RAE1: variants seen among roughly 807,000 people sequenced by gnomAD.
RAE1 encodes ribonucleic acid export 1.
In RAE1, 13 loss-of-function variants were observed where a neutral mutation model predicts 52.7. That is an observed-to-expected ratio of 0.25 (90% CI 0.16 to 0.39). The LOEUF is 0.39. Among genes scored for constraint, RAE1 ranks in the 10% least tolerant of loss-of-function variants. The pLI is 1.00. For synonymous variants in RAE1, 164 were observed against 153.1 expected (o/e 1.07, Z -0.52); for missense variants, 262 against 459.8 (o/e 0.57, Z 3.93).
At chr20:57,358,056 T>C (rs1000915623) in intron 4 of RAE1, 36 of 152,202 alleles carry the variant, frequency 2.4e-4, no homozygotes, top group Admixed American at 2.3e-3. Flanking sequence ...TTGATGTGGC[T>C]AGTTTAAATA....
In RAE1 at chr20:57,373,480, G is replaced by C. The variant is rs773523591; in HGVS notation, c.648G>C (p.Arg216=). Residue 216 remains arginine (R), a synonymous_variant, in exon 9 of 12, where the codon CGG becomes CGC. Coordinates refer to ENST00000395841, the MANE Select transcript of RAE1 (RefSeq NM_003610.4). The stretch of plus-strand genomic sequence containing the variant: ...CTTTTTTATTTTAACTGTAGCATCG[G>C]TGTGTGGCTATTTTTAAAGACAAAC... ...RIESPLKHQH[R]CVAIFKDKQN... The C allele has an allele frequency of 9.9e-6, 16 of 1,612,720 alleles. No homozygotes were observed. The highest frequency in any genetic ancestry group is 1.3e-5 in the Non-Finnish European group (15 of 1,178,926).
intron 4 of RAE1, among the ~76,000 whole-genome samples, chr20:57,357,040 T>A (rs562769059): frequency 2.0e-5 from 3 of 152,234 alleles, no homozygotes; most frequent in African/African-American, 7.2e-5. Context: ...AGGGGCCTGG[T>A]GACAGGCAGA....
At chr20:57,351,885 A>G (rs967951706) in intron 1 of RAE1, 6 of 985,328 alleles carry the variant, frequency 6.1e-6, no homozygotes, top group Non-Finnish European at 7.2e-6. Flanking sequence ...TTGTATACGT[A>G]TATAGGTGCC....
intron 8 of RAE1, among the ~76,000 whole-genome samples, chr20:57,370,918 C>T (rs1008045028): frequency 6.6e-6 from 1 of 152,194 alleles, no homozygotes. Context: ...CAGCCTGTTG[C>T]TCCTGATGTG....
intron 11 of RAE1, chr20:57,375,085 G>A: frequency 1.5e-6 from 1 of 687,968 alleles, no homozygotes; most frequent in Non-Finnish European, 2.7e-6. Context: ...GCCGGGGGCT[G>A]CACTTTATGA....
chr20:57,377,911 T>G, intron 11 of RAE1, 102 bp from the exon 12 acceptor site: 1 of 755,106 alleles, frequency 1.3e-6, no homozygotes, highest in Non-Finnish European at 2.1e-6. Flanking sequence ...AGAGATTATA[T>G]GTTTCCAGTA....
At chr20:57,362,978 G>A (rs769131944) in intron 4 of RAE1, among the ~76,000 whole-genome samples, 19 of 152,004 alleles carry the variant, frequency 1.2e-4, no homozygotes, top group Non-Finnish European at 2.5e-4. Context: ...ATGGGGTTTC[G>A]CCATGTTGCC....
At chr20:57,376,373 G>T (rs1392027199) in intron 11 of RAE1, among the ~76,000 whole-genome samples, 2 of 152,154 alleles carry the variant, frequency 1.3e-5, no homozygotes, top group Non-Finnish European at 2.9e-5. Flanking sequence ...AAAGGTTTTT[G>T]TGTATATTAC....
chr20:57,377,650 C>G (rs192508118), intron 11 of RAE1, among the ~76,000 whole-genome samples: 2 of 152,170 alleles, frequency 1.3e-5, no homozygotes, highest in East Asian at 1.9e-4. Flanking sequence ...GTCAGATGTC[C>G]TCCTTTCTGT....
chr20:57,366,239 GT>G (rs33966308), intron 5 of RAE1, among the ~76,000 whole-genome samples: 5,758 of 152,226 alleles, frequency 0.038, 146 homozygotes, highest in African/African-American at 0.082. Context: ...GTAGATATAT[GT>G]TTTTGTGTTA....
chr20:57,368,536 A>G (rs1249324708), intron 7 of RAE1, among the ~76,000 whole-genome samples, 169 bp from the exon 8 acceptor site: 1 of 152,258 alleles, frequency 6.6e-6, no homozygotes, highest in Non-Finnish European at 1.5e-5. Flanking sequence ...TTTAAAATAT[A>G]TGAATGTTCT....
Position 57,378,284 on chromosome 20 carries a change from C to A in RAE1, c.*185C>A. The A allele has an allele frequency of 1.8e-6, 1 of 550,924 alleles. No homozygotes were observed. Among genetic ancestry groups the A allele is most frequent in the South Asian group, 2.5e-5 (1 of 39,568 alleles). The allele number at this position is 550,924 out of a possible 1,614,324, so 34.1% of individuals were successfully genotyped here. On this transcript the variant is annotated 3_prime_UTR_variant, in exon 12 of 12. Coordinates refer to ENST00000395841, the MANE Select transcript of RAE1 (RefSeq NM_003610.4). ...CGCGGCGACTTGCCGTCTCTCCATT[C>A]CACTGCCTGTTGCAGAGTTTTTCTG...
At chr20:57,377,412 C>T (rs1267666049) in intron 11 of RAE1, among the ~76,000 whole-genome samples, 1 of 152,228 alleles carries the variant, frequency 6.6e-6, no homozygotes, top group African/African-American at 2.4e-5. Flanking sequence ...CGTTCAAAGG[C>T]CTCCCTCTGC....
chr20:57,360,764 C>G (rs2066880103), intron 4 of RAE1, among the ~76,000 whole-genome samples: 1 of 152,166 alleles, frequency 6.6e-6, no homozygotes. Context: ...TTAACCAACC[C>G]TAAATATTAG....
chr20:57,369,668 ACT>A (rs1297092213), intron 8 of RAE1, among the ~76,000 whole-genome samples: 1 of 151,874 alleles, frequency 6.6e-6, no homozygotes, highest in African/African-American at 2.4e-5. Context: ...TCCAACTTCA[ACT>A]CTGTCTGCAT....
chr20:57,374,566 C>T, intron 10 of RAE1, 41 bp from the exon 11 acceptor site: 1 of 1,561,694 alleles, frequency 6.4e-7, no homozygotes, highest in Non-Finnish European at 8.7e-7. Flanking sequence ...TTCTCTGCGC[C>T]CCTCTGCCTG....
chr20:57,374,257 CGA>C (rs563334681), intron 10 of RAE1, among the ~76,000 whole-genome samples: 8 of 152,270 alleles, frequency 5.3e-5, no homozygotes, highest in African/African-American at 1.4e-4. Flanking sequence ...GATGTTTTGC[CGA>C]GAGTCTTCTC....
In RAE1 at chr20:57,378,223, C is replaced by T. The variant is rs530288557; in HGVS notation, c.*124C>T. The T allele has an allele frequency of 2.6e-5, 20 of 782,430 alleles. No individual in the cohort carries two copies. Among genetic ancestry groups the T allele is most frequent in the African/African-American group, 1.2e-4 (7 of 57,098 alleles). 48.5% of individuals were successfully genotyped at this position (782,430 alleles called of 1,614,324 possible). ...CATGGATTTCAACCCCTGGAGAAAACGATGTCATTGTTCAGCAGCTGAGAG... is the reference window on the plus strand; with the variant it reads ...CATGGATTTCAACCCCTGGAGAAAATGATGTCATTGTTCAGCAGCTGAGAG... On this transcript the variant is annotated 3_prime_UTR_variant, in exon 12 of 12. Transcript: ENST00000395841.
intron 4 of RAE1, chr20:57,358,945 G>A (rs6070079): frequency 7.0e-7 from 1 of 1,430,548 alleles, no homozygotes; most frequent in Non-Finnish European, 9.1e-7. Context: ...AGCTCCATAA[G>A]GTTTTCTCGT....
Sources: gnomAD v4.1 joint callset for allele counts (sites outside exome capture counted in the v4.1 genomes callset) on GRCh38, gnomAD v4.1.1 for gene constraint, MANE v1.5 for transcripts, NCBI Gene and HGNC (gene_info 2026-07-23, HGNC 2026-07-21) for gene names.